KIAA0825: variants seen among roughly 807,000 people sequenced by gnomAD.
KIAA0825 encodes the protein uncharacterized protein KIAA0825.
Under a neutral mutation model 147.6 loss-of-function variants are expected in KIAA0825, and 119 were observed. That is an observed-to-expected ratio of 0.81 (90% confidence interval 0.69 to 0.94). The LOEUF (loss-of-function observed/expected upper bound fraction) is 0.94. Ranked by LOEUF, KIAA0825 falls within the 40% of genes least tolerant of loss-of-function variation. The pLI is 0.00. For synonymous variants in KIAA0825, 470 were observed against 518.1 expected (o/e 0.91, Z 1.26); for missense variants, 1,381 against 1,472.7 (o/e 0.94, Z 1.02).
chr5:94,318,843 T>C (rs1562374710), intron 20 of KIAA0825, among the ~76,000 whole-genome samples: 1 of 151,876 alleles, frequency 6.6e-6, no homozygotes, highest in African/African-American at 2.4e-5. Flanking sequence ...AACGTTGGCA[T>C]TGTGGCAGCA....
intron 20 of KIAA0825, among the ~76,000 whole-genome samples, chr5:94,203,220 C>T (rs1276542255): frequency 6.6e-6 from 1 of 152,144 alleles, no homozygotes; most frequent in Non-Finnish European, 1.5e-5. Context: ...AATTAGAAAG[C>T]CTGTCTTACA....
chr5:94,606,010 C>A (rs1042604903), intron 1 of KIAA0825, among the ~76,000 whole-genome samples: 10 of 152,164 alleles, frequency 6.6e-5, no homozygotes, highest in Non-Finnish European at 1.5e-4. Context: ...ATCTAGAAAA[C>A]CCCATAGTCT....
chr5:94,213,359 C>T (rs996284780), intron 20 of KIAA0825, among the ~76,000 whole-genome samples: 1 of 152,082 alleles, frequency 6.6e-6, no homozygotes, highest in African/African-American at 2.4e-5. Flanking sequence ...GTTAGACTAC[C>T]ATTATCTCTG....
chr5:94,314,207 A>C (rs1779437473), intron 20 of KIAA0825, among the ~76,000 whole-genome samples: 1 of 151,662 alleles, frequency 6.6e-6, no homozygotes, highest in African/African-American at 2.4e-5. Context: ...AATTAATATA[A>C]CTTTTTGCTC....
chr5:94,417,254 A>G lies in KIAA0825; in HGVS notation c.2609T>C (p.Phe870Ser). The change falls in exon 15 of 21, where the codon TTT (phenylalanine) becomes TCT (serine). Residue 870 changes from phenylalanine to serine, a missense_variant. Coordinates refer to ENST00000682413, the MANE Select transcript of KIAA0825 (RefSeq NM_001145678.3). ...TTGCTCTTCTTCCATGTAGCTCACAAAAACGTTTGCAAATGTTTGTGGAGA... is the reference window on the plus strand; with the variant it reads ...TTGCTCTTCTTCCATGTAGCTCACAGAAACGTTTGCAAATGTTTGTGGAGA... The part of the protein sequence containing the change: ...SFSPQTFANV[F>S]VSYMEEEQLW... 1 of 1,551,084 alleles carries G rather than the reference A, an allele frequency of 6.4e-7. No homozygotes were observed. The highest frequency in any genetic ancestry group is 1.2e-5 in the South Asian group (1 of 84,044).
At chr5:94,174,696 A>T (rs1469421164) in intron 20 of KIAA0825, among the ~76,000 whole-genome samples, 22 of 151,970 alleles carry the variant, frequency 1.4e-4, no homozygotes, top group Admixed American at 1.4e-3. Context: ...CCTTTTAAAT[A>T]AAAAAAACTC....
intron 20 of KIAA0825, among the ~76,000 whole-genome samples, chr5:94,259,700 G>T (rs1016004185): frequency 1.3e-5 from 2 of 151,906 alleles, no homozygotes; most frequent in African/African-American, 4.8e-5. Context: ...CCTTGGGAAA[G>T]ATTAAATTAA....
At chr5:94,267,404 A>C (rs980781869) in intron 20 of KIAA0825, among the ~76,000 whole-genome samples, 5 of 151,860 alleles carry the variant, frequency 3.3e-5, no homozygotes, top group Admixed American at 1.3e-4. Flanking sequence ...AAACTCCTTA[A>C]ATACAGGTTG....
Position 94,477,018 on chromosome 5 carries a change from G to T in KIAA0825, c.1227+93C>A, listed in dbSNP as rs370600810. ...AAAAATTATTTTTTTGTAGCAAAGGGTAAAACTCAAGACATCTTGATTCAT... is the reference window on the plus strand; with the variant it reads ...AAAAATTATTTTTTTGTAGCAAAGGTTAAAACTCAAGACATCTTGATTCAT... On this transcript the variant is annotated intron_variant, in intron 7 of 20. Coordinates refer to ENST00000682413, the MANE Select transcript of KIAA0825 (RefSeq NM_001145678.3). 3 of 933,818 alleles carry T rather than the reference G, an allele frequency of 3.2e-6. No individual in the cohort carries two copies. The East Asian group carries it at 8.1e-5, about 25-fold the overall frequency. 57.8% of individuals were successfully genotyped at this position (933,818 alleles called of 1,614,324 possible).
intron 20 of KIAA0825, among the ~76,000 whole-genome samples, chr5:94,256,327 C>T (rs1357552475): frequency 6.6e-6 from 1 of 152,080 alleles, no homozygotes; most frequent in Non-Finnish European, 1.5e-5. Flanking sequence ...TGGGGTTCCT[C>T]AAAGAATAGC....
Position 94,517,114 on chromosome 5 carries a change from A to G in KIAA0825, c.970+3134T>C, listed in dbSNP as rs548679230. The stretch of plus-strand genomic sequence containing the variant: ...AAAACTCCAACTCAAAAAAACAAAA[A>G]AAGTGAAAGTGGTAAATTATTTTTA... On this transcript the variant is annotated intron_variant, in intron 5 of 20. Coordinates refer to ENST00000682413, the MANE Select transcript of KIAA0825 (RefSeq NM_001145678.3). 4.6e-5 allele frequency among the ~76,000 whole-genome samples: 7 copies of G among 152,300 alleles called. No individual in the cohort carries two copies. The South Asian group carries it at 1.2e-3, about 27-fold the overall frequency.
At chr5:94,594,694 A>T in intron 1 of KIAA0825, 1 of 634,142 alleles carries the variant, frequency 1.6e-6, no homozygotes, top group Non-Finnish European at 3.0e-6. Flanking sequence ...CATATAATTC[A>T]GATTCCTTGG....
At chr5:94,454,883 T>C (rs963194099) in intron 12 of KIAA0825, among the ~76,000 whole-genome samples, 32 of 152,086 alleles carry the variant, frequency 2.1e-4, no homozygotes, top group African/African-American at 7.7e-4. Flanking sequence ...ATATAAAACA[T>C]GTTAAATTCA....
intron 2 of KIAA0825, among the ~76,000 whole-genome samples, chr5:94,559,505 A>G (rs1238756158): frequency 5.9e-5 from 9 of 152,210 alleles, no homozygotes; most frequent in Admixed American, 5.9e-4. Flanking sequence ...TAACTCATAA[A>G]CCAGCCTTGT....
chr5:94,211,055 A>G (rs1772665024), intron 20 of KIAA0825, among the ~76,000 whole-genome samples: 1 of 152,162 alleles, frequency 6.6e-6, no homozygotes, highest in African/African-American at 2.4e-5. Context: ...ATCAACAAAG[A>G]TCAAAATCTG....
At chr5:94,425,638 C>A (rs1754759059) in intron 14 of KIAA0825, among the ~76,000 whole-genome samples, 1 of 152,048 alleles carries the variant, frequency 6.6e-6, no homozygotes, top group Admixed American at 6.6e-5. Context: ...CAAAACCAAA[C>A]CAAAACAAAA....
At chr5:94,239,216 G>A (rs899870747) in intron 20 of KIAA0825, among the ~76,000 whole-genome samples, 1 of 152,156 alleles carries the variant, frequency 6.6e-6, no homozygotes, top group Non-Finnish European at 1.5e-5. Flanking sequence ...TGGAGTGACA[G>A]CACTATAGTA....
At chr5:94,355,647 A>G (rs777129538) in intron 20 of KIAA0825, among the ~76,000 whole-genome samples, 10 of 152,200 alleles carry the variant, frequency 6.6e-5, no homozygotes. Flanking sequence ...CTTTTCTTAT[A>G]CTAGGGTCAT....
At chr5:94,570,532 C>A (rs1779767887) in intron 2 of KIAA0825, 1 of 152,314 alleles carries the variant, frequency 6.6e-6, no homozygotes, top group African/African-American at 2.4e-5. Flanking sequence ...TAGCCACAGA[C>A]CTTCTTACCC....
Sources: allele counts gnomAD v4.1 joint callset (sites outside exome capture counted in the v4.1 genomes callset), GRCh38; gene constraint gnomAD v4.1.1; transcripts MANE v1.5; gene names NCBI Gene and HGNC (gene_info 2026-07-23, HGNC 2026-07-21).